Variants in AFG2A observed in about 807,000 individuals in gnomAD.
AFG2A encodes ATPase family gene 2 protein homolog A.
At chr4:123,257,915 A>G in the AFG2A span, among the ~76,000 whole-genome samples, 1 of 152,218 alleles carries the variant, frequency 6.6e-6, no homozygotes, top group African/African-American at 2.4e-5. Flanking sequence ...CTAAAAGGAA[A>G]AAAACCTCAT....
At chr4:123,234,547 A>T in the AFG2A span, among the ~76,000 whole-genome samples, 1 of 152,092 alleles carries the variant, frequency 6.6e-6, no homozygotes, top group Non-Finnish European at 1.5e-5. Context: ...TATTACCTCC[A>T]TGGGCCTCAG....
At chr4:122,940,721 G>C in the AFG2A span, among the ~76,000 whole-genome samples, 1 of 152,162 alleles carries the variant, frequency 6.6e-6, no homozygotes, top group Non-Finnish European at 1.5e-5. Flanking sequence ...CCTATGTCCT[G>C]AATGGTAATG....
the AFG2A span, among the ~76,000 whole-genome samples, chr4:123,074,267 G>T: frequency 1.1e-4 from 16 of 151,532 alleles, no homozygotes; most frequent in Non-Finnish European, 1.5e-5. Context: ...GCTAATTTTC[G>T]TATTTTTTAA....
At chr4:123,113,341 A>T in the AFG2A span, among the ~76,000 whole-genome samples, 1 of 152,086 alleles carries the variant, frequency 6.6e-6, no homozygotes, top group South Asian at 2.1e-4. Context: ...GAGAAAAACA[A>T]CAAAAACAAA....
the AFG2A span, among the ~76,000 whole-genome samples, chr4:123,170,431 C>A: frequency 3.3e-5 from 5 of 152,290 alleles, no homozygotes; most frequent in South Asian, 1.0e-3. Flanking sequence ...ACAGTTTACT[C>A]ATGGGATATG....
At chr4:123,090,551 A>AT in the AFG2A span, 2 of 1,612,386 alleles carry the variant, frequency 1.2e-6, no homozygotes, top group East Asian at 4.5e-5. Context: ...AAGTAAAGAT[A>AT]TTTTTTAAAC....
chr4:123,038,213 C>G, the AFG2A span, among the ~76,000 whole-genome samples: 3,344 of 152,160 alleles, frequency 0.022, 63 homozygotes, highest in Non-Finnish European at 0.036. Context: ...ATTACTTCAC[C>G]TCTTTGCACT....
At chr4:123,074,095 A>ATTTTTTTTTTTTTTTTTTTTTT in the AFG2A span, among the ~76,000 whole-genome samples, 4 of 102,066 alleles carry the variant, frequency 3.9e-5, 1 homozygote, top group African/African-American at 1.4e-4. Context: ...CTCAGATAGT[A>ATTTTTTTTTTTTTTTTTTTTTT]TTTTTTTTTT....
chr4:122,992,673 A>C, the AFG2A span, among the ~76,000 whole-genome samples: 9 of 152,344 alleles, frequency 5.9e-5, no homozygotes, highest in African/African-American at 2.2e-4. Flanking sequence ...GTTATATTTA[A>C]GTTTGCAAGA....
chr4:123,048,250 T>G, the AFG2A span, among the ~76,000 whole-genome samples: 1 of 152,214 alleles, frequency 6.6e-6, no homozygotes, highest in African/African-American at 2.4e-5. Flanking sequence ...CCATGCTGTT[T>G]TATTACTGTA....
At chr4:123,306,665 C>T in the AFG2A span, among the ~76,000 whole-genome samples, 2 of 152,032 alleles carry the variant, frequency 1.3e-5, no homozygotes, top group Admixed American at 1.3e-4. Context: ...AAGTGATTCT[C>T]CTGCCTCAGC....
the AFG2A span, among the ~76,000 whole-genome samples, chr4:123,307,137 C>A: frequency 6.6e-6 from 1 of 152,176 alleles, no homozygotes; most frequent in African/African-American, 2.4e-5. Flanking sequence ...CAGCTGAATT[C>A]CCCCATCACT....
the AFG2A span, among the ~76,000 whole-genome samples, chr4:123,272,338 G>A: frequency 6.6e-6 from 1 of 151,660 alleles, no homozygotes; most frequent in Non-Finnish European, 1.5e-5. Flanking sequence ...TTTGTTATTT[G>A]TGAAACTTGG....
chr4:123,113,680 T>C, the AFG2A span, among the ~76,000 whole-genome samples: 6 of 152,182 alleles, frequency 3.9e-5, no homozygotes, highest in Non-Finnish European at 8.8e-5. Flanking sequence ...TTGGGCCTGA[T>C]TTTGTTATGG....
the AFG2A span, chr4:122,927,782 A>T: frequency 6.2e-7 from 1 of 1,609,342 alleles, no homozygotes; most frequent in Non-Finnish European, 8.5e-7. Context: ...TCATTTCCTT[A>T]GTTTAGAAAT....
At chr4:123,207,285 CT>C in the AFG2A span, among the ~76,000 whole-genome samples, 5,193 of 108,306 alleles carry the variant, frequency 0.048, 67 homozygotes, top group African/African-American at 0.086. Context: ...GTTGTGTTTC[CT>C]TTTTTTTTTT....
chr4:123,017,815 C>G, the AFG2A span, among the ~76,000 whole-genome samples: 1 of 152,112 alleles, frequency 6.6e-6, no homozygotes, highest in Non-Finnish European at 1.5e-5. Context: ...ATGGCATTTT[C>G]TCTAAAATAA....
the AFG2A span, among the ~76,000 whole-genome samples, chr4:122,980,859 T>A: frequency 2.0e-5 from 3 of 152,276 alleles, no homozygotes; most frequent in African/African-American, 7.2e-5. Context: ...TTTTTGCTTT[T>A]GAGTTGTTTG....
At chr4:123,305,132 C>T in the AFG2A span, among the ~76,000 whole-genome samples, 1 of 152,142 alleles carries the variant, frequency 6.6e-6, no homozygotes, top group South Asian at 2.1e-4. Context: ...CAAGTGTTCC[C>T]TGTGCCTGCC....
Sources: allele counts gnomAD v4.1 joint callset (sites outside exome capture counted in the v4.1 genomes callset), GRCh38; gene constraint gnomAD v4.1.1; transcripts MANE v1.5; gene names NCBI Gene and HGNC (gene_info 2026-07-23, HGNC 2026-07-21).